DENND1B: variants seen among roughly 807,000 people sequenced by gnomAD.
DENND1B encodes DENN domain-containing protein 1B.
Under a neutral mutation model 90.1 loss-of-function variants are expected in DENND1B, and 59 were observed. The ratio of observed to expected loss-of-function variants is 0.65; its 90% CI spans 0.53 to 0.81. DENND1B has a LOEUF of 0.81. DENND1B is among the 40% of genes least tolerant of loss of function. The pLI, the probability that DENND1B is intolerant of heterozygous loss-of-function variation, is 0.00. For missense variants in DENND1B, 862 were observed against 912.6 expected (o/e 0.94, Z 0.71); for synonymous variants, 337 against 324.6 (o/e 1.04, Z -0.41).
At chr1:197,563,724 C>T (rs1273881175) in intron 15 of DENND1B, among the ~76,000 whole-genome samples, 1 of 151,932 alleles carries the variant, frequency 6.6e-6, no homozygotes, top group African/African-American at 2.4e-5. Flanking sequence ...AGGGCTACAG[C>T]TACCATAGGT....
chr1:197,552,263 A>T, intron 16 of DENND1B: 1 of 983,314 alleles, frequency 1.0e-6, no homozygotes, highest in Non-Finnish European at 1.2e-6. Context: ...TACAGAATAC[A>T]AGGATTTTTG....
chr1:197,757,021 G>A (rs2102439361), intron 2 of DENND1B, among the ~76,000 whole-genome samples: 1 of 150,550 alleles, frequency 6.6e-6, no homozygotes, highest in East Asian at 1.9e-4. Context: ...TATATACACA[G>A]ACACATATAT....
intron 2 of DENND1B, among the ~76,000 whole-genome samples, chr1:197,756,395 C>T (rs1247397124): frequency 1.3e-5 from 2 of 151,832 alleles, no homozygotes; most frequent in Non-Finnish European, 2.9e-5. Flanking sequence ...GCCAACAAAG[C>T]GAAACCACAT....
At chr1:197,511,477 A>T (rs527475856) in intron 22 of DENND1B, among the ~76,000 whole-genome samples, 60 of 151,908 alleles carry the variant, frequency 3.9e-4, no homozygotes, top group Non-Finnish European at 7.8e-4. Context: ...GCAAGAAAAC[A>T]TTATTGCTTG....
At chr1:197,737,647 A>G (rs555396915) in intron 2 of DENND1B, among the ~76,000 whole-genome samples, 1 of 152,280 alleles carries the variant, frequency 6.6e-6, no homozygotes, top group East Asian at 1.9e-4. Context: ...ATTCTTATTC[A>G]TTTTTAGGCC....
At chr1:197,743,374 C>A (rs889888756) in intron 2 of DENND1B, among the ~76,000 whole-genome samples, 1 of 146,132 alleles carries the variant, frequency 6.8e-6, no homozygotes, top group Non-Finnish European at 1.5e-5. Flanking sequence ...ATTAAGTGTG[C>A]AATAGCATTA....
upstream of DENND1B, among the ~76,000 whole-genome samples, chr1:197,777,099 G>GAA (rs151133986): frequency 6.7e-6 from 1 of 149,360 alleles, no homozygotes; most frequent in Admixed American, 6.6e-5. Flanking sequence ...CCAAAGCCTT[G>GAA]AAAAAAAAAA....
At chr1:197,552,175 T>G (rs908526482) in intron 16 of DENND1B, 3 of 963,516 alleles carry the variant, frequency 3.1e-6, no homozygotes, top group Non-Finnish European at 3.7e-6. Context: ...TAGACTGAAG[T>G]TTTTTTTCCT....
intron 2 of DENND1B, among the ~76,000 whole-genome samples, chr1:197,730,843 T>C (rs1369838357): frequency 2.0e-5 from 3 of 152,094 alleles, no homozygotes; most frequent in African/African-American, 7.2e-5. Flanking sequence ...AGACACAAGT[T>C]GTTTAATCAG....
At chr1:197,694,659 A>T (rs1658250129) in intron 3 of DENND1B, among the ~76,000 whole-genome samples, 1 of 151,408 alleles carries the variant, frequency 6.6e-6, no homozygotes, top group Non-Finnish European at 1.5e-5. Context: ...CAGCTTAATA[A>T]AGAGTAAGCT....
chr1:197,631,829 G>T (rs1490793876), intron 10 of DENND1B, among the ~76,000 whole-genome samples: 1 of 151,946 alleles, frequency 6.6e-6, no homozygotes, highest in Non-Finnish European at 1.5e-5. Flanking sequence ...ATATCTGTAT[G>T]TATATGTGTG....
chr1:197,687,431 A>T (rs151131760), intron 3 of DENND1B, among the ~76,000 whole-genome samples: 76 of 152,298 alleles, frequency 5.0e-4, no homozygotes, highest in African/African-American at 1.8e-3. Flanking sequence ...GAATGTTTGA[A>T]GAAATAAAAC....
intron 13 of DENND1B, among the ~76,000 whole-genome samples, chr1:197,604,498 T>G (rs1272540577): frequency 6.6e-6 from 1 of 151,178 alleles, no homozygotes; most frequent in Non-Finnish European, 1.5e-5. Context: ...AAAGAACTAG[T>G]AATTCAGGAC....
At chr1:197,613,126 T>A (rs1677325434) in intron 11 of DENND1B, among the ~76,000 whole-genome samples, 1 of 150,808 alleles carries the variant, frequency 6.6e-6, no homozygotes, top group Non-Finnish European at 1.5e-5. Context: ...TTTCTAAACA[T>A]CATTGTCATT....
intron 7 of DENND1B, among the ~76,000 whole-genome samples, chr1:197,651,790 G>A (rs1007501576): frequency 6.6e-6 from 1 of 151,070 alleles, no homozygotes; most frequent in African/African-American, 2.4e-5. Context: ...TGAGTAGCTG[G>A]GACTACAGGC....
At chr1:197,537,014 C>T in intron 20 of DENND1B, among the ~76,000 whole-genome samples, 1 of 148,928 alleles carries the variant, frequency 6.7e-6, no homozygotes, top group East Asian at 2.0e-4. Context: ...GCACTCCAGC[C>T]TGGGGGACAG....
chr1:197,722,485 TAA>T (rs1250537132), intron 2 of DENND1B, among the ~76,000 whole-genome samples: 1 of 152,144 alleles, frequency 6.6e-6, no homozygotes, highest in Non-Finnish European at 1.5e-5. Flanking sequence ...TCCACAAGTC[TAA>T]AAGTTTCTTA....
At chr1:197,707,872 C>T (rs1659755138) in intron 3 of DENND1B, among the ~76,000 whole-genome samples, 1 of 148,130 alleles carries the variant, frequency 6.8e-6, no homozygotes, top group African/African-American at 2.5e-5. Context: ...TGTGTGTGCG[C>T]ACCGTGCGCG....
chr1:197,608,335 T>C (rs558013303), intron 12 of DENND1B, among the ~76,000 whole-genome samples: 1 of 150,740 alleles, frequency 6.6e-6, no homozygotes, highest in East Asian at 2.0e-4. Context: ...ATTCTAAAAA[T>C]CTGTCTTCTT....
Sources: gnomAD v4.1 joint callset for allele counts (sites outside exome capture counted in the v4.1 genomes callset) on GRCh38, gnomAD v4.1.1 for gene constraint, MANE v1.5 for transcripts, NCBI Gene and HGNC (gene_info 2026-07-23, HGNC 2026-07-21) for gene names.